The following RBFOX3 variants were observed in gnomAD, a reference collection of about 807,000 sequenced individuals.
The protein encoded by RBFOX3 is RNA binding fox-1 homolog 3, also known as RNA binding protein fox-1 homolog 3.
A neutral mutation model predicts 48.7 loss-of-function variants in RBFOX3; 17 were observed. The observed-to-expected ratio is 0.35, with a 90% CI of 0.24 to 0.52. The LOEUF (loss-of-function observed/expected upper bound fraction) is 0.52. RBFOX3 is among the 20% of genes least tolerant of loss of function. The probability of loss-of-function intolerance (pLI) is 0.94; values close to 1 mark genes in which losing one functional copy is unlikely to be tolerated. For synonymous variants in RBFOX3, 212 were observed against 209.5 expected (o/e 1.01, Z -0.10); for missense variants, 382 against 497.5 (o/e 0.77, Z 2.21).
At chr17:79,567,712 G>T (rs966030239) in intron 1 of RBFOX3, among the ~76,000 whole-genome samples, 2 of 152,154 alleles carry the variant, frequency 1.3e-5, no homozygotes, top group Non-Finnish European at 2.9e-5. Flanking sequence ...GTACCTCTTA[G>T]GGCTGTCGTA....
At chr17:79,322,832 C>G (rs929638841) in intron 2 of RBFOX3, among the ~76,000 whole-genome samples, 3 of 152,190 alleles carry the variant, frequency 2.0e-5, no homozygotes, top group African/African-American at 7.2e-5. Flanking sequence ...AGCACTGGAG[C>G]TCCCCAAGTC....
chr17:79,226,751 C>G (rs1414534945), intron 4 of RBFOX3, among the ~76,000 whole-genome samples: 1 of 152,184 alleles, frequency 6.6e-6, no homozygotes, highest in African/African-American at 2.4e-5. Context: ...TTAGCAGTCA[C>G]CAAGGTGGAG....
intron 1 of RBFOX3, among the ~76,000 whole-genome samples, chr17:79,508,456 CCCACTGCCT>C (rs1485245156): frequency 6.6e-6 from 1 of 152,232 alleles, no homozygotes; most frequent in African/African-American, 2.4e-5. Context: ...CCCGAGGCCG[CCCACTGCCT>C]CCCTTGTTGT....
Position 79,423,356 on chromosome 17 carries a change from A to T in RBFOX3, c.-175+59098T>A, listed in dbSNP as rs1267742685. Among the ~76,000 whole-genome samples, 1 of 152,102 alleles carries T rather than the reference A, an allele frequency of 6.6e-6. No individual in the cohort carries two copies. Among genetic ancestry groups the T allele is most frequent in the East Asian group, 1.9e-4 (1 of 5,178 alleles). On this transcript the variant is annotated intron_variant, in intron 2 of 14. Transcript: ENST00000693108. The surrounding 1 kb of genome is among the most constrained non-coding windows in gnomAD (Gnocchi z 4.9). ...GATTCTGCTTTCAATGCTTGTGCAG[A>T]TCCTGCCGCACAGACCCCAACCCTA...
chr17:79,123,067 G>C (rs2036180001), intron 4 of RBFOX3, among the ~76,000 whole-genome samples: 1 of 152,090 alleles, frequency 6.6e-6, no homozygotes, highest in Admixed American at 6.6e-5. Context: ...AAAGACGAGG[G>C]GGGTGTGGGC....
the RBFOX3 span, among the ~76,000 whole-genome samples, chr17:79,623,244 C>G: frequency 5.0e-4 from 76 of 152,308 alleles, no homozygotes; most frequent in African/African-American, 1.6e-3. Flanking sequence ...CTTCTAGAAG[C>G]AACCAAAACT....
At chr17:79,560,861 C>T (rs2144186309) in intron 1 of RBFOX3, among the ~76,000 whole-genome samples, 1 of 152,306 alleles carries the variant, frequency 6.6e-6, no homozygotes. Context: ...CTCAGCTGCC[C>T]CAGGGGGTAG....
chr17:79,259,769 C>G lies in RBFOX3; in HGVS notation c.-73-23964G>C, dbSNP rs561530653. Among the ~76,000 whole-genome samples, 58 of 152,234 alleles carry G rather than the reference C, an allele frequency of 3.8e-4. No individual in the cohort carries two copies. The South Asian group carries it at 0.012, about 30-fold the overall frequency. ...TGTGGCCTGGGTGTCTAGGTGCCCC[C>G]GCATCTCAGGGTCACAGTAGCCGCA... On this transcript the variant is annotated intron_variant, in intron 3 of 14. Coordinates refer to ENST00000693108, the MANE Select transcript of RBFOX3 (RefSeq NM_001350451.2).
At position 79,249,954 on chromosome 17, in the gene RBFOX3, G is replaced by A. The variant is rs987396320; in HGVS notation, c.-73-14149C>T. On this transcript the variant is annotated intron_variant, in intron 3 of 14. Coordinates refer to ENST00000693108, the MANE Select transcript of RBFOX3 (RefSeq NM_001350451.2). The surrounding 1 kb of genome is among the most constrained non-coding windows in gnomAD (Gnocchi z 4.1). The stretch of plus-strand genomic sequence containing the variant: ...CCTAGCTGCACCTGCCGGCATCCCT[G>A]GCATCGCTTTGGCTCTTGCGAGAGG... Among the ~76,000 whole-genome samples the A allele has an allele frequency of 2.6e-5, 4 of 152,152 alleles. No individual in the cohort carries two copies. The highest frequency in any genetic ancestry group is 2.6e-4 in the Admixed American group (4 of 15,286).
At chr17:79,327,370 A>G (rs887962443) in intron 2 of RBFOX3, among the ~76,000 whole-genome samples, 4 of 152,188 alleles carry the variant, frequency 2.6e-5, no homozygotes, top group African/African-American at 9.6e-5. Flanking sequence ...GACTCCAGTC[A>G]AAGGCCCTGG....
chr17:79,664,219 G>A, the RBFOX3 span, among the ~76,000 whole-genome samples: 20 of 151,936 alleles, frequency 1.3e-4, no homozygotes, highest in Non-Finnish European at 2.8e-4. Context: ...CTGTTGCCCA[G>A]GCTAGAGTGC....
chr17:79,185,621 A>G (rs1056919200), intron 4 of RBFOX3, among the ~76,000 whole-genome samples: 8 of 152,286 alleles, frequency 5.3e-5, no homozygotes, highest in Non-Finnish European at 8.8e-5. Flanking sequence ...GGACAGCCAC[A>G]TAGCATTCAG....
rs1369749592 is a variant in RBFOX3, at chr17:79,106,524, C to T, written c.360+127G>A. ...GGAAGGAATCCTGGGGCCCCGGAGGCTCCCTGCGCAGTGGGAGGCAGGAAA... is the reference window on the plus strand; with the variant it reads ...GGAAGGAATCCTGGGGCCCCGGAGGTTCCCTGCGCAGTGGGAGGCAGGAAA... On this transcript the variant is annotated intron_variant, in intron 6 of 14. Coordinates refer to ENST00000693108, the MANE Select transcript of RBFOX3 (RefSeq NM_001350451.2). 5 of 1,223,748 alleles carry T rather than the reference C, an allele frequency of 4.1e-6. No individual in the cohort carries two copies. In the African/African-American group the frequency reaches 8.0e-5, roughly 20 times the overall value. 75.8% of individuals were successfully genotyped at this position (1,223,748 alleles called of 1,614,324 possible).
intron 4 of RBFOX3, among the ~76,000 whole-genome samples, chr17:79,117,113 C>T (rs2034237656): frequency 6.6e-6 from 1 of 152,226 alleles, no homozygotes; most frequent in South Asian, 2.1e-4. Context: ...CACTCGCTGT[C>T]CTCCACTGCA....
chr17:79,200,033 C>A (rs1432840390), intron 4 of RBFOX3, among the ~76,000 whole-genome samples: 1 of 152,060 alleles, frequency 6.6e-6, no homozygotes, highest in African/African-American at 2.4e-5. Flanking sequence ...TGTGGTGGCA[C>A]ATGCCTGTAA....
rs142218053 is a variant in RBFOX3 at position 79,160,955 on chromosome 17, C to T, written c.-33-45207G>A. 6.3e-3 allele frequency among the ~76,000 whole-genome samples: 913 copies of T among 144,596 alleles called. 12 individuals carry two copies. Among genetic ancestry groups the T allele is most frequent in the African/African-American group, 0.022 (843 of 38,936 alleles). 94.9% of individuals were successfully genotyped at this position (144,596 alleles called of 152,430 possible). Reference sequence around the variant, plus strand: ...AGATCACACCATTGTACTCCAGTCTCGGCAACAAGAGCGAGACTCCATCTC... The same window carrying T: ...AGATCACACCATTGTACTCCAGTCTTGGCAACAAGAGCGAGACTCCATCTC... On this transcript the variant is annotated intron_variant, in intron 4 of 14. Coordinates refer to ENST00000693108, the MANE Select transcript of RBFOX3 (RefSeq NM_001350451.2).
At chr17:79,519,044 G>C (rs923139054) in intron 1 of RBFOX3, among the ~76,000 whole-genome samples, 1 of 152,238 alleles carries the variant, frequency 6.6e-6, no homozygotes, top group South Asian at 2.1e-4. Context: ...AGAGAAGCCC[G>C]GGGCTGGCAG....
rs549444757 is a variant in RBFOX3 at position 79,443,140 on chromosome 17, G to T, written c.-175+39314C>A. 6.6e-6 allele frequency among the ~76,000 whole-genome samples: 1 copy of T among 152,102 alleles called. No individual in the cohort carries two copies. Among genetic ancestry groups the T allele is most frequent in the Admixed American group, 6.5e-5 (1 of 15,278 alleles). On this transcript the variant is annotated intron_variant, in intron 2 of 14. Transcript: ENST00000693108. This position sits in a 1 kb window ranked among gnomAD's most constrained non-coding sequence, Gnocchi z 4.4. ...AAACCGGAGCTCAGCCTCCCATGTC[G>T]CCTCCCCAACCAGCCACCTGGGAAC... is the stretch of plus-strand genomic sequence containing the variant.
In RBFOX3 at chr17:79,299,366, G is replaced by A. The variant is rs1241775904; in HGVS notation, c.-74+8358C>T. On this transcript the variant is annotated intron_variant, in intron 3 of 14. Transcript: ENST00000693108. The surrounding 1 kb of genome is among the most constrained non-coding windows in gnomAD (Gnocchi z 4.5). ...TACAGGCAGTCCTCTGGATCTTAGA[G>A]TTCTGCATCCATGGATTAAACCAAC... is the stretch of plus-strand genomic sequence containing the variant. Among the ~76,000 whole-genome samples, 1 of 152,082 alleles carries A rather than the reference G, an allele frequency of 6.6e-6. No homozygotes were observed. The highest frequency in any genetic ancestry group is 1.5e-5 in the Non-Finnish European group (1 of 68,026).
Sources: allele counts gnomAD v4.1 joint callset (sites outside exome capture counted in the v4.1 genomes callset), GRCh38; gene constraint gnomAD v4.1.1; non-coding constraint Gnocchi (gnomAD v3.1); transcripts MANE v1.5; gene names NCBI Gene and HGNC (gene_info 2026-07-23, HGNC 2026-07-21).